The following TJP3 variants were observed in gnomAD, a reference collection of about 807,000 sequenced individuals.
TJP3 encodes tight junction protein 3, also known as tight junction protein ZO-3.
In TJP3, 85 loss-of-function variants were observed where a neutral mutation model predicts 104.2. The observed-to-expected ratio is 0.82, with a 90% CI of 0.68 to 0.98. The LOEUF (loss-of-function observed/expected upper bound fraction) is 0.98, where lower values mean the gene tolerates loss of function less well. Ranked by LOEUF, TJP3 falls within the 50% of genes least tolerant of loss-of-function variation. The pLI is 0.00. For synonymous variants in TJP3, 550 were observed against 550.6 expected (o/e 1.00, Z 0.02); for missense variants, 1,367 against 1,322.8 (o/e 1.03, Z -0.52).
At position 3,731,976 on chromosome 19, in the gene TJP3, A is replaced by G. The variant is rs778435590; in HGVS notation, c.655A>G (p.Ile219Val). Residue 219 changes from isoleucine to valine, a missense_variant, in exon 6 of 21, where the codon ATT (isoleucine) becomes GTT (valine). Transcript: ENST00000541714. ...GGGCAGTCAGATCTTCATCAAGCAC[A>G]TTACAGATTCGGGCCTGGCTGCCCG... ...KLGSQIFIKH[I>V]TDSGLAARHR... is the part of the protein sequence containing the mutation. 6.2e-6 allele frequency: 10 copies of G among 1,613,584 alleles called. No individual in the cohort carries two copies. The African/African-American group carries it at 9.3e-5, about 15-fold the overall frequency.
At chr19:3,727,371 T>C (rs2036610662) in intron 1 of TJP3, among the ~76,000 whole-genome samples, 1 of 150,062 alleles carries the variant, frequency 6.7e-6, no homozygotes, top group Non-Finnish European at 1.5e-5. Flanking sequence ...TAGTCCCAGA[T>C]ACTTGGGATG....
rs776971368 is a variant in TJP3, at chr19:3,736,288, G to A, written c.1251G>A (p.Gly417=). 1.9e-6 allele frequency: 3 copies of A among 1,539,292 alleles called. No homozygotes were observed. The highest frequency in any genetic ancestry group is 2.3e-5 in the East Asian group (1 of 44,218). Residue 417 remains glycine, a synonymous_variant, in exon 11 of 21, where the codon GGG becomes GGA. Transcript: ENST00000541714. ...SGVQAGSPAD[G]QGIQEGDQIL... ...TGCAGGCGGGCAGCCCGGCCGACGG[G>A]CAGGGCATCCAGGAGGGAGATCAGA...
intron 11 of TJP3, among the ~76,000 whole-genome samples, chr19:3,737,363 T>A (rs1337867116): frequency 6.6e-6 from 1 of 152,124 alleles, no homozygotes; most frequent in African/African-American, 2.4e-5. Context: ...GACCGTGTCA[T>A]GACCGTCTTG....
At chr19:3,722,636 C>T (rs1347774422) in intron 1 of TJP3, among the ~76,000 whole-genome samples, 1 of 151,292 alleles carries the variant, frequency 6.6e-6, no homozygotes, top group Non-Finnish European at 1.5e-5. Flanking sequence ...GGCATGGAGC[C>T]TGGGCTGGTT....
chr19:3,710,148 C>CAA (rs34705583), intron 1 of TJP3, among the ~76,000 whole-genome samples: 2 of 88,790 alleles, frequency 2.3e-5, no homozygotes, highest in South Asian at 4.2e-4. Flanking sequence ...GACTCTGTCT[C>CAA]AAAAAAAAAA....
chr19:3,723,170 G>C (rs1327417337), intron 1 of TJP3, among the ~76,000 whole-genome samples: 1 of 152,218 alleles, frequency 6.6e-6, no homozygotes, highest in Non-Finnish European at 1.5e-5. Context: ...CCTGCCCATC[G>C]GGAGCGCTCA....
At position 3,730,049 on chromosome 19, in the gene TJP3, G is replaced by C; in HGVS notation, c.180G>C (p.Met60Ile). 6.2e-7 allele frequency: 1 copy of C among 1,614,034 alleles called. No individual in the cohort carries two copies. Among genetic ancestry groups the C allele is most frequent in the Non-Finnish European group, 8.5e-7 (1 of 1,179,998 alleles). Residue 60 changes from methionine to isoleucine, a missense_variant, in exon 4 of 21, where the codon ATG becomes ATC. Coordinates refer to ENST00000541714, the MANE Select transcript of TJP3 (RefSeq NM_001267560.2). This position sits in a 1 kb window ranked among gnomAD's most constrained non-coding sequence, Gnocchi z 7.3. ...TCAGGACAGGCGACCACATCGTCAT[G>C]GTGAACGGGGTTTCCATGGAGAATG... ...GRLQTGDHIV[M>I]VNGVSMENAT... is the part of the protein sequence containing the mutation.
At chr19:3,740,501 G>A (rs765093733) in intron 13 of TJP3, 51 bp from the exon 14 acceptor site, 6 of 1,230,570 alleles carry the variant, frequency 4.9e-6, no homozygotes, top group Non-Finnish European at 6.3e-6. Flanking sequence ...CGTCTTTGGG[G>A]CCACCATGCT....
intron 6 of TJP3, among the ~76,000 whole-genome samples, chr19:3,733,487 A>C (rs972662875): frequency 2.0e-5 from 3 of 152,160 alleles, no homozygotes; most frequent in Non-Finnish European, 4.4e-5. Context: ...ACTTTTGGTA[A>C]GAAAGGAGAG....
At chr19:3,727,016 G>A (rs1206605995) in intron 1 of TJP3, among the ~76,000 whole-genome samples, 3 of 151,940 alleles carry the variant, frequency 2.0e-5, no homozygotes, top group African/African-American at 7.3e-5. Context: ...GAGCCTGGGA[G>A]TTCGAGGCTG....
At chr19:3,749,040 T>TG (rs1272431839) in intron 19 of TJP3, among the ~76,000 whole-genome samples, 1 of 150,910 alleles carries the variant, frequency 6.6e-6, no homozygotes, top group African/African-American at 2.4e-5. Flanking sequence ...TTTTTTTTTT[T>TG]AAGGTATTCT....
At chr19:3,723,809 ATAT>A (rs547152978) in intron 1 of TJP3, among the ~76,000 whole-genome samples, 1,793 of 86,000 alleles carry the variant, frequency 0.021, 14 homozygotes, top group Admixed American at 0.04. Context: ...AAAAAAAAAA[ATAT>A]ATATATATAT....
At chr19:3,717,496 C>G (rs544778396) in intron 1 of TJP3, among the ~76,000 whole-genome samples, 1 of 151,012 alleles carries the variant, frequency 6.6e-6, no homozygotes, top group African/African-American at 2.4e-5. Context: ...AGTGCAGTGG[C>G]GTGATCTCAG....
chr19:3,747,963 C>G lies in TJP3; in HGVS notation c.2492C>G (p.Thr831Arg), dbSNP rs769089585. The G allele has an allele frequency of 1.9e-6, 3 of 1,612,870 alleles. No homozygotes were observed. The East Asian group carries it at 6.7e-5, about 36-fold the overall frequency. The change falls in exon 19 of 21, where the codon ACG becomes AGG. Residue 831 changes from threonine (T) to arginine (R), a missense_variant. Transcript: ENST00000541714. ...GYTDGEGGPYTDVDDEPPAPA... is the reference protein window; with the variant it reads ...GYTDGEGGPYRDVDDEPPAPA... ...ACAGACGGCGAGGGGGGGCCCTACA[C>G]GGATGTGGATGATGAGCCCCCGGCT...
chr19:3,750,053 G>T (rs918080289), intron 19 of TJP3, 85 bp from the exon 20 acceptor site: 10 of 1,571,658 alleles, frequency 6.4e-6, no homozygotes, highest in South Asian at 4.4e-5. Context: ...GGGCCAAGGT[G>T]GGGGATGGGA....
At chr19:3,732,576 C>T (rs2036685499) in intron 6 of TJP3, among the ~76,000 whole-genome samples, 1 of 151,350 alleles carries the variant, frequency 6.6e-6, no homozygotes, top group Non-Finnish European at 1.5e-5. Context: ...GTGGCGCAAT[C>T]TCGGCTCACT....
chr19:3,736,878 C>CTTTT (rs35482912), intron 11 of TJP3, among the ~76,000 whole-genome samples: 1 of 111,692 alleles, frequency 9.0e-6, no homozygotes, highest in South Asian at 2.9e-4. Flanking sequence ...GCCTGGCTAA[C>CTTTT]TTTTTTTTTT....
chr19:3,748,975 C>T (rs918927443), intron 19 of TJP3, among the ~76,000 whole-genome samples: 11 of 150,102 alleles, frequency 7.3e-5, no homozygotes, highest in African/African-American at 2.4e-4. Flanking sequence ...TCTCCTCCCT[C>T]AGACTCCCAG....
intron 6 of TJP3, among the ~76,000 whole-genome samples, chr19:3,732,812 T>C (rs1191051282): frequency 2.0e-5 from 3 of 147,518 alleles, no homozygotes; most frequent in African/African-American, 7.6e-5. Context: ...CCTTGCTAAT[T>C]TTTTGTATTT....
Sources: allele counts gnomAD v4.1 joint callset (sites outside exome capture counted in the v4.1 genomes callset), GRCh38; gene constraint gnomAD v4.1.1; non-coding constraint Gnocchi (gnomAD v3.1); transcripts MANE v1.5; gene names NCBI Gene and HGNC (gene_info 2026-07-23, HGNC 2026-07-21).